NSUN4: variants seen among roughly 807,000 people sequenced by gnomAD.
NSUN4 encodes 5-cytosine rRNA methyltransferase NSUN4.
A neutral mutation model predicts 43.8 loss-of-function variants in NSUN4; 31 were observed. That is an observed-to-expected ratio of 0.71 (90% CI 0.53 to 0.96). The LOEUF (loss-of-function observed/expected upper bound fraction) is 0.96, where lower values mean the gene tolerates loss of function less well. NSUN4 is among the 40% of genes least tolerant of loss of function. The pLI is 0.00. For missense variants in NSUN4, 439 were observed against 475.6 expected (o/e 0.92, Z 0.72); for synonymous variants, 167 against 184.1 (o/e 0.91, Z 0.75).
downstream of NSUN4, among the ~76,000 whole-genome samples, chr1:46,367,366 C>G (rs1664160060): frequency 6.6e-6 from 1 of 152,224 alleles, no homozygotes; most frequent in Admixed American, 6.5e-5. Flanking sequence ...GTTTTACTTA[C>G]ATCATTGTTT....
chr1:46,373,712 A>C, the NSUN4 span, among the ~76,000 whole-genome samples: 1 of 152,226 alleles, frequency 6.6e-6, no homozygotes. Flanking sequence ...CAATTAATCC[A>C]TGAATGAATT....
the NSUN4 span, among the ~76,000 whole-genome samples, chr1:46,373,923 T>A: frequency 6.7e-6 from 1 of 150,108 alleles, no homozygotes; most frequent in Non-Finnish European, 1.5e-5. Context: ...GGGTAAGGCG[T>A]TGGGGGATGG....
chr1:46,376,840 C>T, the NSUN4 span, among the ~76,000 whole-genome samples: 2 of 151,772 alleles, frequency 1.3e-5, no homozygotes, highest in Admixed American at 6.6e-5. Context: ...TTGCTGCAAC[C>T]TCCACCTCAC....
In NSUN4 at chr1:46,344,900, G is replaced by C; in HGVS notation, c.193G>C (p.Val65Leu). The change falls in exon 2 of 6, where the codon GTC (valine) becomes CTC (leucine). Residue 65 changes from valine (V) to leucine (L), a missense_variant. Physicochemically the swap from Val to Leu is conservative, Grantham distance 32. Transcript: ENST00000474844. ...TGGAGATCTTTGGCCATCAATCCGTGTCAGTCTCCTCTCAGAGCAGAAGTA... is the reference window on the plus strand; with the variant it reads ...TGGAGATCTTTGGCCATCAATCCGTCTCAGTCTCCTCTCAGAGCAGAAGTA... ...QFGDLWPSIR[V>L]SLLSEQKYGA... 2 of 1,614,208 alleles carry C rather than the reference G, an allele frequency of 1.2e-6. No individual in the cohort carries two copies. Among genetic ancestry groups the C allele is most frequent in the South Asian group, 2.2e-5 (2 of 91,092 alleles).
chr1:46,353,233 C>T (rs1241734590), intron 4 of NSUN4, among the ~76,000 whole-genome samples: 10 of 151,970 alleles, frequency 6.6e-5, no homozygotes, highest in Admixed American at 5.9e-4. Context: ...TAGTTGGCAG[C>T]AAAAAAGAAT....
At chr1:46,348,029 C>T (rs1662648613) in intron 3 of NSUN4, among the ~76,000 whole-genome samples, 1 of 152,120 alleles carries the variant, frequency 6.6e-6, no homozygotes, top group Admixed American at 6.5e-5. Flanking sequence ...AGGCGCCCAC[C>T]ACCACGCCCA....
chr1:46,348,034 C>T (rs910118957), intron 3 of NSUN4, among the ~76,000 whole-genome samples: 5 of 152,040 alleles, frequency 3.3e-5, no homozygotes, highest in African/African-American at 7.2e-5. Context: ...CCCACCACCA[C>T]GCCCAGCTAA....
chr1:46,381,016 T>A, the NSUN4 span, among the ~76,000 whole-genome samples: 5 of 152,222 alleles, frequency 3.3e-5, no homozygotes, highest in East Asian at 9.6e-4. Context: ...GGTAAGGAAA[T>A]GGGGACACAG....
chr1:46,345,344 ATAT>A (rs1050602165), intron 2 of NSUN4, 200 bp downstream of exon 2: 4 of 534,236 alleles, frequency 7.5e-6, no homozygotes, highest in Non-Finnish European at 1.3e-5. Context: ...GAAGTAGGTA[ATAT>A]TATTGCTGTT....
At chr1:46,350,810 T>C (rs1662921777) in intron 3 of NSUN4, among the ~76,000 whole-genome samples, 1 of 152,234 alleles carries the variant, frequency 6.6e-6, no homozygotes, top group South Asian at 2.1e-4. Flanking sequence ...GTTGCTAGTG[T>C]CAGCCTTAGC....
the NSUN4 span, among the ~76,000 whole-genome samples, chr1:46,380,268 C>T: frequency 6.6e-6 from 1 of 152,228 alleles, no homozygotes; most frequent in Non-Finnish European, 1.5e-5. Flanking sequence ...TTACCATCAC[C>T]AGCTGACTGC....
At chr1:46,346,828 C>A in intron 2 of NSUN4, 93 bp from the exon 3 acceptor site, 1 of 1,002,094 alleles carries the variant, frequency 1.0e-6, no homozygotes, top group Non-Finnish European at 1.5e-6. Flanking sequence ...GTGATTGGAG[C>A]TCAAGCCCCA....
intron 3 of NSUN4, among the ~76,000 whole-genome samples, chr1:46,349,429 C>A (rs1037539712): frequency 6.6e-6 from 1 of 152,200 alleles, no homozygotes; most frequent in African/African-American, 2.4e-5. Flanking sequence ...CGTGAGCCAC[C>A]GCGCCTGGCG....
At chr1:46,383,448 GTTTTTTTTTT>G in the NSUN4 span, among the ~76,000 whole-genome samples, 26 of 102,408 alleles carry the variant, frequency 2.5e-4, 1 homozygote, top group Admixed American at 2.3e-3. Context: ...GTTGGCTGGT[GTTTTTTTTTT>G]TTTTTTTTTT....
At chr1:46,371,431 G>T in the NSUN4 span, among the ~76,000 whole-genome samples, 1 of 151,400 alleles carries the variant, frequency 6.6e-6, no homozygotes, top group Non-Finnish European at 1.5e-5. Flanking sequence ...TCAGCCTCCC[G>T]AGTAGCTGGG....
intron 3 of NSUN4, among the ~76,000 whole-genome samples, chr1:46,351,659 CTTTTTTTTTTTTTT>C (rs1190689943): frequency 1.1e-5 from 1 of 88,894 alleles, no homozygotes; most frequent in African/African-American, 4.6e-5. Context: ...GACCCAGTCT[CTTTTTTTTTTTTTT>C]TTTTTTTTTG....
intron 5 of NSUN4, among the ~76,000 whole-genome samples, chr1:46,361,038 T>C (rs1320777058): frequency 6.6e-6 from 1 of 152,172 alleles, no homozygotes; most frequent in East Asian, 1.9e-4. Flanking sequence ...TCCCAGCTAC[T>C]CAGGGGGCTG....
intron 3 of NSUN4, among the ~76,000 whole-genome samples, chr1:46,347,854 ACTTTCTTTTTTTTTTT>A (rs777590602): frequency 7.4e-5 from 10 of 135,966 alleles, no homozygotes; most frequent in Non-Finnish European, 1.6e-4. Flanking sequence ...AATCCTTTTG[ACTTTCTTTTTTTTTTT>A]CTTTCTTTTT....
At chr1:46,348,541 C>T (rs915110419) in intron 3 of NSUN4, among the ~76,000 whole-genome samples, 2 of 151,764 alleles carry the variant, frequency 1.3e-5, no homozygotes, top group East Asian at 2.0e-4. Context: ...GGTAAAACCC[C>T]GTTTCTATTA....
Sources: allele counts gnomAD v4.1 joint callset (sites outside exome capture counted in the v4.1 genomes callset), GRCh38; gene constraint gnomAD v4.1.1; transcripts MANE v1.5; gene names NCBI Gene and HGNC (gene_info 2026-07-23, HGNC 2026-07-21).